The following ABI3BP variants were observed in gnomAD, a reference collection of about 807,000 sequenced individuals.
The protein encoded by ABI3BP is target of Nesh-SH3.
A neutral mutation model predicts 268.6 loss-of-function variants in ABI3BP; 216 were observed. That is an observed-to-expected ratio of 0.80 (90% confidence interval 0.72 to 0.90). The LOEUF is 0.90. ABI3BP is among the 40% of genes least tolerant of loss of function. The pLI, the probability that ABI3BP is intolerant of heterozygous loss-of-function variation, is 0.00. For synonymous variants in ABI3BP, 730 were observed against 730.0 expected, an observed-to-expected ratio of 1.00 and a Z score of 0.00; for missense variants, 2,090 against 2,182.4, an observed-to-expected ratio of 0.96 and a Z score of 0.84.
intron 63 of ABI3BP, among the ~76,000 whole-genome samples, chr3:100,758,442 A>T (rs1046478340): frequency 6.6e-6 from 1 of 152,180 alleles, no homozygotes; most frequent in African/African-American, 2.4e-5. Context: ...AATTTTTTTT[A>T]AAGAGTTTCT....
chr3:100,956,905 G>C (rs1205991853), intron 1 of ABI3BP, among the ~76,000 whole-genome samples: 1 of 152,184 alleles, frequency 6.6e-6, no homozygotes, highest in African/African-American at 2.4e-5. Context: ...AGGAAGATAA[G>C]CGAGGAGAAA....
chr3:100,951,228 C>T (rs1276567915), intron 1 of ABI3BP, among the ~76,000 whole-genome samples: 1 of 151,902 alleles, frequency 6.6e-6, no homozygotes, highest in Admixed American at 6.6e-5. Flanking sequence ...CATCTGCCCT[C>T]ACATGTGTAT....
chr3:100,774,717 A>G, intron 60 of ABI3BP, 44 bp from the exon 61 acceptor site: 2 of 1,402,048 alleles, frequency 1.4e-6, no homozygotes, highest in Admixed American at 2.4e-5. Context: ...AAGATAAAAA[A>G]GCTTCACAAT....
intron 49 of ABI3BP, among the ~76,000 whole-genome samples, chr3:100,809,696 T>C (rs1416737493): frequency 1.3e-5 from 2 of 152,024 alleles, no homozygotes; most frequent in Non-Finnish European, 2.9e-5. Flanking sequence ...ATAAAAATAG[T>C]TTAATGCCAA....
intron 20 of ABI3BP, 119 bp from the exon 21 acceptor site, chr3:100,842,158 CTTCT>C: frequency 1.2e-5 from 9 of 778,206 alleles, no homozygotes; most frequent in Non-Finnish European, 1.8e-5. Context: ...GTTCTACTGG[CTTCT>C]GCCAGTGAAG....
At position 100,932,401 on chromosome 3, in the gene ABI3BP, C is replaced by T. The variant is rs188638459; in HGVS notation, c.80-5920G>A. On this transcript the variant is annotated intron_variant, in intron 1 of 67. Transcript: ENST00000471714. The stretch of plus-strand genomic sequence containing the variant: ...CAAACAAAACTATCAACAGAGCAAA[C>T]AGACAGCCTATAGAAAGGGAGAAAA... Among the ~76,000 whole-genome samples, 119 of 152,164 alleles carry T rather than the reference C, an allele frequency of 7.8e-4. 1 individual carries two copies. In the East Asian group the frequency reaches 0.019, roughly 25 times the overall value.
chr3:100,750,912 GTAT>G (rs1026738847), intron 67 of ABI3BP, among the ~76,000 whole-genome samples: 2 of 152,086 alleles, frequency 1.3e-5, no homozygotes, highest in African/African-American at 4.8e-5. Context: ...AGTATTGTTG[GTAT>G]TTTTAAGTGC....
At chr3:100,838,795 C>A (rs1422793948) in intron 24 of ABI3BP, among the ~76,000 whole-genome samples, 1 of 152,088 alleles carries the variant, frequency 6.6e-6, no homozygotes, top group East Asian at 1.9e-4. Flanking sequence ...CTTCAGTATA[C>A]AAACAGTAAG....
chr3:100,784,271 G>T (rs2096958066), intron 57 of ABI3BP, among the ~76,000 whole-genome samples: 1 of 152,080 alleles, frequency 6.6e-6, no homozygotes, highest in African/African-American at 2.4e-5. Flanking sequence ...ACCTTAGGTG[G>T]TCTAAGACTG....
intron 20 of ABI3BP, among the ~76,000 whole-genome samples, chr3:100,845,052 C>A (rs905024393): frequency 3.2e-4 from 48 of 152,052 alleles, no homozygotes; most frequent in African/African-American, 1.1e-3. Context: ...TGACTATTTC[C>A]AATTTTATGT....
intron 31 of ABI3BP, 77 bp from the exon 32 acceptor site, chr3:100,830,711 A>C: frequency 7.9e-7 from 1 of 1,261,648 alleles, no homozygotes; most frequent in Non-Finnish European, 1.1e-6. Flanking sequence ...TTACCACCAA[A>C]AATCGGATTT....
chr3:100,770,400 T>G (rs1028412679), intron 62 of ABI3BP, among the ~76,000 whole-genome samples: 4 of 152,148 alleles, frequency 2.6e-5, no homozygotes, highest in African/African-American at 9.7e-5. Context: ...ATGGGGTTGG[T>G]GAAAGGAAAA....
chr3:100,755,888 T>A (rs1291784895), intron 63 of ABI3BP, among the ~76,000 whole-genome samples: 1 of 152,168 alleles, frequency 6.6e-6, no homozygotes, highest in East Asian at 1.9e-4. Context: ...TAAATAAGAA[T>A]GCAGAATGCA....
chr3:100,987,997 A>G (rs2092245794), intron 1 of ABI3BP, among the ~76,000 whole-genome samples: 2 of 152,230 alleles, frequency 1.3e-5, no homozygotes, highest in Admixed American at 6.5e-5. Context: ...TTTTAGCAGC[A>G]GAACCATTTT....
chr3:100,775,379 C>T, intron 59 of ABI3BP, 44 bp from the exon 60 acceptor site: 1 of 1,565,534 alleles, frequency 6.4e-7, no homozygotes, highest in African/African-American at 1.4e-5. Flanking sequence ...AGGAACACTG[C>T]CAAGTTTCCT....
intron 14 of ABI3BP, among the ~76,000 whole-genome samples, chr3:100,854,032 G>A (rs1028558029): frequency 1.3e-5 from 2 of 152,014 alleles, no homozygotes; most frequent in Non-Finnish European, 2.9e-5. Context: ...TCATTTATGA[G>A]TTAAACAAGA....
chr3:100,928,249 T>G (rs1344452256), intron 1 of ABI3BP, among the ~76,000 whole-genome samples: 1 of 152,100 alleles, frequency 6.6e-6, no homozygotes, highest in Non-Finnish European at 1.5e-5. Context: ...TTTTTCTTTA[T>G]TCCCCAGAGA....
At chr3:100,851,319 T>C (rs2098835731) in intron 15 of ABI3BP, among the ~76,000 whole-genome samples, 1 of 152,314 alleles carries the variant, frequency 6.6e-6, no homozygotes, top group Non-Finnish European at 1.5e-5. Flanking sequence ...GAATGAATTA[T>C]GTGACTGTTC....
At chr3:100,942,099 TA>T (rs2069573412) in intron 1 of ABI3BP, among the ~76,000 whole-genome samples, 2 of 152,178 alleles carry the variant, frequency 1.3e-5, no homozygotes, top group African/African-American at 4.8e-5. Context: ...ATCTGCTTTT[TA>T]TTTTATTCCT....
Sources: gnomAD v4.1 joint callset for allele counts (sites outside exome capture counted in the v4.1 genomes callset) on GRCh38, gnomAD v4.1.1 for gene constraint, MANE v1.5 for transcripts, NCBI Gene and HGNC (gene_info 2026-07-23, HGNC 2026-07-21) for gene names.